The following ESF1 variants were observed in gnomAD, a reference collection of about 807,000 sequenced individuals.
ESF1 encodes ESF1 nucleolar pre-rRNA processing protein.
A neutral mutation model predicts 92.0 loss-of-function variants in ESF1; 58 were observed. The ratio of observed to expected loss-of-function variants is 0.63; its 90% CI spans 0.51 to 0.78. The LOEUF (loss-of-function observed/expected upper bound fraction) is 0.78, where lower values mean the gene tolerates loss of function less well. Ranked by LOEUF, ESF1 falls within the 30% of genes least tolerant of loss-of-function variation. The pLI is 0.00. For synonymous variants in ESF1, 321 were observed against 313.7 expected, an observed-to-expected ratio of 1.02 and a Z score of -0.24; for missense variants, 922 against 989.1, an observed-to-expected ratio of 0.93 and a Z score of 0.91.
At chr20:13,748,778 C>T (rs1978454920) in intron 9 of ESF1, among the ~76,000 whole-genome samples, 1 of 151,162 alleles carries the variant, frequency 6.6e-6, no homozygotes, top group South Asian at 2.1e-4. Context: ...TTAGTAGAGA[C>T]AGGGTTTCAC....
At chr20:13,730,249 T>A (rs748262556) in intron 10 of ESF1, among the ~76,000 whole-genome samples, 7 of 151,348 alleles carry the variant, frequency 4.6e-5, no homozygotes, top group Non-Finnish European at 1.0e-4. Context: ...ATTTTTTGTA[T>A]TTTTAGTAGA....
intron 9 of ESF1, among the ~76,000 whole-genome samples, chr20:13,739,119 A>C (rs567209797): frequency 6.6e-6 from 1 of 152,190 alleles, no homozygotes; most frequent in African/African-American, 2.4e-5. Context: ...CCTCAATTCT[A>C]TATCTTCCAA....
chr20:13,775,673 A>C (rs1166588181), intron 3 of ESF1, among the ~76,000 whole-genome samples, 200 bp downstream of exon 3: 1 of 152,186 alleles, frequency 6.6e-6, no homozygotes, highest in African/African-American at 2.4e-5. Context: ...GCAACTTTTA[A>C]TTATTTATGT....
intron 13 of ESF1, among the ~76,000 whole-genome samples, chr20:13,715,707 C>G (rs905050049): frequency 6.6e-6 from 1 of 152,316 alleles, no homozygotes; most frequent in South Asian, 2.1e-4. Context: ...TGGTCAGACA[C>G]AAGCCCCAGA....
At chr20:13,747,983 G>A (rs1359398956) in intron 9 of ESF1, among the ~76,000 whole-genome samples, 1 of 152,162 alleles carries the variant, frequency 6.6e-6, no homozygotes, top group Non-Finnish European at 1.5e-5. Context: ...AGTAGTATTT[G>A]TGTATCTAAA....
intron 11 of ESF1, among the ~76,000 whole-genome samples, chr20:13,723,246 G>A (rs544657364): frequency 7.2e-5 from 11 of 152,140 alleles, no homozygotes; most frequent in African/African-American, 1.9e-4. Flanking sequence ...AGTGGTAAGC[G>A]CCCTAGTGAT....
chr20:13,769,239 G>T (rs1052360353), intron 7 of ESF1, among the ~76,000 whole-genome samples: 1 of 152,052 alleles, frequency 6.6e-6, no homozygotes, highest in Non-Finnish European at 1.5e-5. Flanking sequence ...GTGCGGGGAG[G>T]TAATTTATTA....
chr20:13,769,327 GAGACAGAAGAGTGTACAGGAA>G (rs1369308488), intron 7 of ESF1, among the ~76,000 whole-genome samples: 1 of 152,098 alleles, frequency 6.6e-6, no homozygotes, highest in Non-Finnish European at 1.5e-5. Flanking sequence ...GTGTATAGGA[GAGACAGAAGAGTGTACAGGAA>G]AGACAGAAGA....
chr20:13,720,547 A>G (rs1441500519), intron 11 of ESF1, among the ~76,000 whole-genome samples: 1 of 152,238 alleles, frequency 6.6e-6, no homozygotes, highest in Non-Finnish European at 1.5e-5. Context: ...CATCTAGAAT[A>G]TAAGACATTC....
chr20:13,722,476 G>A (rs2049874281), intron 11 of ESF1, among the ~76,000 whole-genome samples: 1 of 152,096 alleles, frequency 6.6e-6, no homozygotes, highest in Admixed American at 6.6e-5. Context: ...ACTTAAGTTA[G>A]ATGAACAGTA....
chr20:13,778,074 C>A (rs1358078635), intron 2 of ESF1, among the ~76,000 whole-genome samples: 1 of 152,088 alleles, frequency 6.6e-6, no homozygotes, highest in Non-Finnish European at 1.5e-5. Context: ...TTCTCAATCA[C>A]CATACAGTGA....
chr20:13,716,649 T>G (rs1397607184), intron 13 of ESF1, among the ~76,000 whole-genome samples: 4 of 149,938 alleles, frequency 2.7e-5, no homozygotes, highest in Non-Finnish European at 5.9e-5. Context: ...TTTCTTTTTT[T>G]TTTTTTTTTG....
intron 12 of ESF1, 87 bp downstream of exon 12, chr20:13,718,819 TTG>T: frequency 1.2e-6 from 1 of 847,250 alleles, no homozygotes; most frequent in Non-Finnish European, 1.7e-6. Context: ...CTAAAATAAG[TTG>T]TTTTTTAAAA....
chr20:13,730,548 T>TA (rs1411912382), intron 10 of ESF1, among the ~76,000 whole-genome samples: 2 of 151,864 alleles, frequency 1.3e-5, no homozygotes, highest in African/African-American at 4.8e-5. Context: ...CACGCCCAGC[T>TA]AATTTTTTTG....
chr20:13,745,418 G>A (rs978785383), intron 9 of ESF1, among the ~76,000 whole-genome samples: 1 of 152,088 alleles, frequency 6.6e-6, no homozygotes, highest in African/African-American at 2.4e-5. Context: ...CACATATATG[G>A]ATATGGCTAA....
chr20:13,775,699 CT>C (rs1452172205), intron 3 of ESF1, among the ~76,000 whole-genome samples, 173 bp downstream of exon 3: 1 of 152,102 alleles, frequency 6.6e-6, no homozygotes, highest in Non-Finnish European at 1.5e-5. Flanking sequence ...CTCTTCTTAT[CT>C]GCTTGGACGT....
intron 9 of ESF1, among the ~76,000 whole-genome samples, chr20:13,745,563 T>C (rs1021323763): frequency 2.6e-5 from 4 of 152,166 alleles, no homozygotes; most frequent in Non-Finnish European, 4.4e-5. Context: ...GCGGTTCTCC[T>C]GCCTCAGCCT....
At chr20:13,766,571 C>T (rs6079166) in intron 8 of ESF1, among the ~76,000 whole-genome samples, 25,873 of 152,074 alleles carry the variant, frequency 0.17, 2,809 homozygotes, top group Non-Finnish European at 0.24. Flanking sequence ...GAAGGCCATG[C>T]TTGGTTAGGT....
intron 10 of ESF1, among the ~76,000 whole-genome samples, chr20:13,732,502 A>G (rs564304110): frequency 2.6e-5 from 4 of 152,326 alleles, no homozygotes; most frequent in Admixed American, 6.5e-5. Flanking sequence ...CAAAAGCATT[A>G]TAAGAACACA....
Sources: gnomAD v4.1 joint callset for allele counts (sites outside exome capture counted in the v4.1 genomes callset) on GRCh38, gnomAD v4.1.1 for gene constraint, MANE v1.5 for transcripts, NCBI Gene and HGNC (gene_info 2026-07-23, HGNC 2026-07-21) for gene names.